Variants in TRIM46 observed in about 807,000 individuals in gnomAD.
TRIM46 encodes the protein tripartite motif-containing protein 46.
TRIM46 carries 17 observed loss-of-function variants against 69.7 expected under a neutral mutation model. The observed-to-expected ratio is 0.24, with a 90% confidence interval of 0.17 to 0.37. TRIM46 has a LOEUF of 0.37. Among genes scored for constraint, TRIM46 ranks in the 10% least tolerant of loss-of-function variants. TRIM46 has a pLI of 1.00. For synonymous variants in TRIM46, 391 were observed against 429.0 expected (o/e 0.91, Z 1.09); for missense variants, 675 against 1,025.1 (o/e 0.66, Z 4.66).
At chr1:155,177,406 TC>T in intron 5 of TRIM46, 116 bp downstream of exon 5, 1 of 909,304 alleles carries the variant, frequency 1.1e-6, no homozygotes. Flanking sequence ...CCGTGAGGTG[TC>T]CAGGTTCTGG....
In TRIM46 at chr1:155,176,096, A is replaced by G. The variant is rs1665634146; in HGVS notation, c.534A>G (p.Pro178=). 2 of 1,613,964 alleles carry G rather than the reference A, an allele frequency of 1.2e-6. No homozygotes were observed. The highest frequency in any genetic ancestry group is 3.3e-5 in the Admixed American group (2 of 60,000). The change falls in exon 3 of 10, where the codon CCA becomes CCG. Residue 178 remains proline (P), a synonymous_variant. Transcript: ENST00000334634. The part of the protein sequence containing the change: ...GAILCQLCKP[P]PLEATKGCTE... Reference sequence around the variant, plus strand: ...TCCTGTGCCAGTTGTGCAAGCCCCCACCACTAGAGGCCACCAAGGGCTGCA... The same window carrying G: ...TCCTGTGCCAGTTGTGCAAGCCCCCGCCACTAGAGGCCACCAAGGGCTGCA...
rs543621892 is a variant in TRIM46, at chr1:155,183,534, G to A, written c.1887-263G>A. Among the ~76,000 whole-genome samples the A allele has an allele frequency of 7.9e-5, 12 of 152,024 alleles. 1 individual carries two copies. The South Asian group carries it at 2.1e-3, about 26-fold the overall frequency. On this transcript the variant is annotated intron_variant, in intron 9 of 9. Coordinates refer to ENST00000334634, the MANE Select transcript of TRIM46 (RefSeq NM_025058.5). ...ACCATTTTTCTCAATGCCTTTCCGC[G>A]GGCTATACCAATGCCATGTCTTTCC...
chr1:155,175,966 G>A lies in TRIM46; in HGVS notation c.404G>A (p.Gly135Asp), dbSNP rs763528677. The A allele has an allele frequency of 5.0e-6, 8 of 1,612,296 alleles. No individual in the cohort carries two copies. In the East Asian group the frequency reaches 1.6e-4, roughly 31 times the overall value. Reference sequence around the variant, plus strand: ...ATGTTCCCGTGCCCAGCCTGCCAAGGTGATGTGGAGCTTGGGGAGCGGGGT... The same window carrying A: ...ATGTTCCCGTGCCCAGCCTGCCAAGATGATGTGGAGCTTGGGGAGCGGGGT... ...VIMFPCPACQ[G>D]DVELGERGLA... Residue 135 changes from glycine (G) to aspartate (D), a missense_variant, in exon 3 of 10, where the codon GGT becomes GAT. By Grantham distance (94) the Gly-to-Asp change is moderately conservative. Coordinates refer to ENST00000334634, the MANE Select transcript of TRIM46 (RefSeq NM_025058.5). The surrounding 1 kb of genome is among the most constrained non-coding windows in gnomAD (Gnocchi z 4.2).
chr1:155,175,159 C>T lies in TRIM46; in HGVS notation c.64-227C>T. Reference sequence around the variant, plus strand: ...CTTGAGGCTGGAGCAGGCACAAGCTCCAACCGTCCCTCCTCTGGGCCTTTA... The same window carrying T: ...CTTGAGGCTGGAGCAGGCACAAGCTTCAACCGTCCCTCCTCTGGGCCTTTA... On this transcript the variant is annotated intron_variant, in intron 1 of 9. Coordinates refer to ENST00000334634, the MANE Select transcript of TRIM46 (RefSeq NM_025058.5). The surrounding 1 kb of genome is among the most constrained non-coding windows in gnomAD (Gnocchi z 4.2). 7.1e-7 allele frequency: 1 copy of T among 1,403,246 alleles called. No individual in the cohort carries two copies. Among genetic ancestry groups the T allele is most frequent in the Non-Finnish European group, 9.2e-7 (1 of 1,086,442 alleles). 86.9% of individuals were successfully genotyped at this position (1,403,246 alleles called of 1,614,324 possible).
chr1:155,179,213 C>T (rs1192033207), intron 7 of TRIM46, among the ~76,000 whole-genome samples: 1 of 152,220 alleles, frequency 6.6e-6, no homozygotes, highest in Non-Finnish European at 1.5e-5. Flanking sequence ...TCAGCGCCCT[C>T]TTGCCTGTGG....
At chr1:155,177,524 CATA>C (rs1235460590) in intron 5 of TRIM46, among the ~76,000 whole-genome samples, 3 of 151,506 alleles carry the variant, frequency 2.0e-5, no homozygotes, top group Admixed American at 6.6e-5. Flanking sequence ...AAACCCCATG[CATA>C]GCTCAAAAAA....
At chr1:155,179,604 G>A (rs770313268) in intron 7 of TRIM46, 28 bp from the exon 8 acceptor site, 1 of 1,564,576 alleles carries the variant, frequency 6.4e-7, no homozygotes, top group African/African-American at 1.3e-5. Context: ...GCCAGGCCCT[G>A]ACTGACACCC....
Position 155,176,913 on chromosome 1 carries a change from T to C in TRIM46, c.670-19T>C, listed in dbSNP as rs1313908273. ...CCCACACCATTGTCTGACCATCACATTGTTCTTTGTGTCCCTAGGGCCTTA... is the reference window on the plus strand; with the variant it reads ...CCCACACCATTGTCTGACCATCACACTGTTCTTTGTGTCCCTAGGGCCTTA... On this transcript the variant is annotated intron_variant, in intron 3 of 9. Coordinates refer to ENST00000334634, the MANE Select transcript of TRIM46 (RefSeq NM_025058.5). 1 of 1,610,300 alleles carries C rather than the reference T, an allele frequency of 6.2e-7. No individual in the cohort carries two copies. Among genetic ancestry groups the C allele is most frequent in the Non-Finnish European group, 8.5e-7 (1 of 1,176,822 alleles).
chr1:155,182,142 A>G lies in TRIM46; in HGVS notation c.1879A>G (p.Ser627Gly). The G allele has an allele frequency of 6.2e-7, 1 of 1,613,846 alleles. No homozygotes were observed. Among genetic ancestry groups the G allele is most frequent in the Non-Finnish European group, 8.5e-7 (1 of 1,179,914 alleles). Residue 627 changes from serine (S) to glycine (G), a missense_variant, in exon 9 of 10, where the codon AGC becomes GGC. Physicochemically the swap from Ser to Gly is moderately conservative, Grantham distance 56. Around this residue, in one of 5 missense-constraint regions of TRIM46, gnomAD observed 35 missense variants for 99.3 expected, o/e 0.35. Coordinates refer to ENST00000334634, the MANE Select transcript of TRIM46 (RefSeq NM_025058.5). ...TTTCCAGGGTGCCCCCGATGTGATCAGCCCCAGGTCAGACCCCTCTGGAAG... is the reference window on the plus strand; with the variant it reads ...TTTCCAGGGTGCCCCCGATGTGATCGGCCCCAGGTCAGACCCCTCTGGAAG... ...ESFQGAPDVI[S>G]PRYDPDSGHD... is the part of the protein sequence containing the mutation.
chr1:155,176,426 T>C (rs760620453), intron 3 of TRIM46, among the ~76,000 whole-genome samples, 195 bp downstream of exon 3: 43 of 152,216 alleles, frequency 2.8e-4, no homozygotes, highest in Admixed American at 2.8e-3. Flanking sequence ...TACATCCCTG[T>C]AGGGGGATGG....
chr1:155,178,970 C>T (rs1430589514), intron 7 of TRIM46: 13 of 641,672 alleles, frequency 2.0e-5, no homozygotes, highest in African/African-American at 9.4e-5. Context: ...GCCCCGACCT[C>T]GTGGTCCTCC....
chr1:155,178,887 G>A (rs770361350), intron 7 of TRIM46: 9 of 1,347,544 alleles, frequency 6.7e-6, no homozygotes, highest in South Asian at 3.7e-5. Flanking sequence ...GCCCGCCGCC[G>A]GGCCCCCTTC....
chr1:155,179,889 G>A lies in TRIM46; in HGVS notation c.1543G>A (p.Gly515Ser), dbSNP rs771021407. 7 of 1,606,816 alleles carry A rather than the reference G, an allele frequency of 4.4e-6. No homozygotes were observed. The Admixed American group carries it at 5.0e-5, about 12-fold the overall frequency. The change falls in exon 8 of 10, where the codon GGC (glycine) becomes AGC (serine). Residue 515 changes from glycine to serine, a missense_variant. Gly to Ser is a moderately conservative substitution (Grantham distance 56). Transcript: ENST00000334634. The stretch of plus-strand genomic sequence containing the variant: ...CCGCGGCTGCAACAAGGCCGGCTAC[G>A]GCGAATACAGTGAAGATGTGCACCT... ...RVRGCNKAGY[G>S]EYSEDVHLHT...
intron 1 of TRIM46, chr1:155,174,561 C>T: frequency 6.7e-7 from 1 of 1,490,428 alleles, no homozygotes; most frequent in African/African-American, 1.4e-5. Context: ...CCCCCCACCA[C>T]TTCCTCCCCC....
At chr1:155,182,479 A>C in intron 9 of TRIM46, 4 of 464,222 alleles carry the variant, frequency 8.6e-6, no homozygotes, top group East Asian at 3.3e-5. Flanking sequence ...TCTTCCTAAC[A>C]CTCCATTTCC....
rs1056848761 is a variant in TRIM46, at chr1:155,184,347, T to C, written c.*157T>C. 9.5e-6 allele frequency: 8 copies of C among 841,662 alleles called. No homozygotes were observed. In the African/African-American group the frequency reaches 1.4e-4, roughly 14 times the overall value. 52.1% of individuals were successfully genotyped at this position (841,662 alleles called of 1,614,324 possible). A position where few individuals can be genotyped will look rare whatever the true frequency, so the allele number is the denominator to read the frequency against. Reference sequence around the variant, plus strand: ...GTGTCTGTCTTCCCACAGTTTTCTCTTGACCCAGGGGCTCTCTTCTGCCCA... The same window carrying C: ...GTGTCTGTCTTCCCACAGTTTTCTCCTGACCCAGGGGCTCTCTTCTGCCCA... On this transcript the variant is annotated 3_prime_UTR_variant, in exon 10 of 10. Coordinates refer to ENST00000334634, the MANE Select transcript of TRIM46 (RefSeq NM_025058.5). This position sits in a 1 kb window ranked among gnomAD's most constrained non-coding sequence, Gnocchi z 5.6.
rs1181001238 is a variant in TRIM46, at chr1:155,178,057, C to A, written c.965C>A (p.Ala322Asp). Residue 322 changes from alanine (A) to aspartate (D), a missense_variant, in exon 6 of 10, where the codon GCT becomes GAT. Physicochemically the swap from Ala to Asp is moderately radical, Grantham distance 126. Coordinates refer to ENST00000334634, the MANE Select transcript of TRIM46 (RefSeq NM_025058.5). ...EVSQLVRGLG[A>D]VLEEKRASLL... Reference sequence around the variant, plus strand: ...TCGCAGCTGGTGCGGGGGCTGGGGGCTGTGCTGGAGGAGAAGCGGGCATCA... The same window carrying A: ...TCGCAGCTGGTGCGGGGGCTGGGGGATGTGCTGGAGGAGAAGCGGGCATCA... 3.1e-6 allele frequency: 5 copies of A among 1,613,742 alleles called. No individual in the cohort carries two copies. The highest frequency in any genetic ancestry group is 4.5e-5 in the East Asian group (2 of 44,892).
rs1666373017 is a variant in TRIM46 at position 155,184,037 on chromosome 1, C to T, written c.2127C>T (p.Ser709=). 2.5e-6 allele frequency: 4 copies of T among 1,614,032 alleles called. No homozygotes were observed. The highest frequency in any genetic ancestry group is 3.4e-6 in the Non-Finnish European group (4 of 1,180,044). ...GGGTTTCCTTCCTGGATGCTGTTTC[C>T]TTCCGTGGGCTCTTGGAGTGCCCCC... ...RGRVSFLDAV[S]FRGLLECPLD... Residue 709 remains serine, a synonymous_variant, in exon 10 of 10, where the codon TCC becomes TCT. Transcript: ENST00000334634. The surrounding 1 kb of genome is among the most constrained non-coding windows in gnomAD (Gnocchi z 5.6).
rs1172426075 is a variant in TRIM46, at chr1:155,177,068, C to T, written c.806C>T (p.Ala269Val). The T allele has an allele frequency of 6.2e-7, 1 of 1,612,830 alleles. No individual in the cohort carries two copies. The highest frequency in any genetic ancestry group is 1.7e-5 in the Admixed American group (1 of 60,000). The change falls in exon 4 of 10, where the codon GCC (alanine) becomes GTC (valine). Residue 269 changes from alanine to valine, a missense_variant. By Grantham distance (64) the Ala-to-Val change is moderately conservative (BLOSUM62 0). Coordinates refer to ENST00000334634, the MANE Select transcript of TRIM46 (RefSeq NM_025058.5). Reference sequence around the variant, plus strand: ...ACACCAGTGCTCAGTGCCTACCAGGCCCTCAAGGTAAGGACCCCCCTTATC... The same window carrying T: ...ACACCAGTGCTCAGTGCCTACCAGGTCCTCAAGGTAAGGACCCCCCTTATC... ...KITPVLSAYQ[A>V]LKDKLTKSLT...
Sources: allele counts gnomAD v4.1 joint callset (sites outside exome capture counted in the v4.1 genomes callset), GRCh38; gene constraint gnomAD v4.1.1; regional missense constraint gnomAD v4.1.1; non-coding constraint Gnocchi (gnomAD v3.1); transcripts MANE v1.5; gene names NCBI Gene and HGNC (gene_info 2026-07-23, HGNC 2026-07-21).